FGGY: variants seen among roughly 807,000 people sequenced by gnomAD.
FGGY encodes the protein FGGY carbohydrate kinase domain containing, also known as FGGY carbohydrate kinase domain-containing protein.
A neutral mutation model predicts 71.3 loss-of-function variants in FGGY; 72 were observed. That is an observed-to-expected ratio of 1.01 (90% confidence interval 0.84 to 1.23). The LOEUF (loss-of-function observed/expected upper bound fraction) is 1.23, where lower values mean the gene tolerates loss of function less well. Ranked by LOEUF, FGGY falls within the 50% of genes most tolerant of loss-of-function variation. FGGY has a pLI of 0.00. For missense variants in FGGY, 668 were observed against 682.3 expected (o/e 0.98, Z 0.23); for synonymous variants, 251 against 250.3 (o/e 1.00, Z -0.02).
chr1:59,474,105 C>G (rs1182716340), intron 6 of FGGY: 1 of 152,188 alleles, frequency 6.6e-6, no homozygotes, highest in Admixed American at 6.5e-5. Context: ...TCCTTAGATT[C>G]GCAGAAGGAC....
intron 15 of FGGY, 110 bp from the exon 16 acceptor site, chr1:59,762,393 A>T: frequency 1.4e-6 from 1 of 735,054 alleles, no homozygotes; most frequent in Non-Finnish European, 2.3e-6. Flanking sequence ...TTCAGAATCT[A>T]GGTGTCAGCA....
intron 6 of FGGY, among the ~76,000 whole-genome samples, chr1:59,484,675 A>G (rs1205073777): frequency 6.6e-6 from 1 of 152,316 alleles, no homozygotes; most frequent in African/African-American, 2.4e-5. Flanking sequence ...CAGATTATTG[A>G]TAATCCATAA....
intron 8 of FGGY, among the ~76,000 whole-genome samples, chr1:59,578,226 A>T (rs1393267084): frequency 6.6e-6 from 1 of 152,114 alleles, no homozygotes; most frequent in Admixed American, 6.6e-5. Context: ...GTTCAACTAG[A>T]GGAGCAGAAT....
At chr1:59,403,269 T>C (rs1246960841) in intron 5 of FGGY, among the ~76,000 whole-genome samples, 3 of 152,228 alleles carry the variant, frequency 2.0e-5, no homozygotes, top group African/African-American at 7.2e-5. Flanking sequence ...CATTTTTCTC[T>C]ATACTGACTT....
chr1:59,548,133 G>A (rs1212019570), intron 7 of FGGY, among the ~76,000 whole-genome samples: 1 of 152,164 alleles, frequency 6.6e-6, no homozygotes, highest in African/African-American at 2.4e-5. Flanking sequence ...GGGGATGTGG[G>A]GAGATGTGAT....
intron 14 of FGGY, chr1:59,698,985 C>T: frequency 1.0e-6 from 1 of 985,146 alleles, no homozygotes; most frequent in Non-Finnish European, 1.2e-6. Flanking sequence ...AAATGAAAAC[C>T]ATGTTTAAAT....
At chr1:59,479,256 A>G (rs991942997) in intron 6 of FGGY, among the ~76,000 whole-genome samples, 10 of 152,094 alleles carry the variant, frequency 6.6e-5, no homozygotes, top group African/African-American at 2.2e-4. Flanking sequence ...AACTCAAGAA[A>G]TTTGGTCAGA....
chr1:59,460,192 G>C (rs114706328), intron 6 of FGGY, among the ~76,000 whole-genome samples: 1 of 152,094 alleles, frequency 6.6e-6, no homozygotes, highest in African/African-American at 2.4e-5. Context: ...GGACACTGCC[G>C]CCCAAATACT....
chr1:59,491,217 G>A (rs1466120683), intron 6 of FGGY, among the ~76,000 whole-genome samples: 1 of 144,564 alleles, frequency 6.9e-6, no homozygotes, highest in Non-Finnish European at 1.5e-5. Context: ...TGTTTTTTGT[G>A]GTTCCATACA....
intron 9 of FGGY, among the ~76,000 whole-genome samples, chr1:59,625,501 T>C (rs2096847754): frequency 6.6e-6 from 1 of 151,604 alleles, no homozygotes; most frequent in Non-Finnish European, 1.5e-5. Context: ...TTAATGAGGG[T>C]TTTTTCAAAA....
chr1:59,684,246 T>A (rs1395002609), intron 14 of FGGY, among the ~76,000 whole-genome samples: 1 of 152,224 alleles, frequency 6.6e-6, no homozygotes, highest in Non-Finnish European at 1.5e-5. Flanking sequence ...ACTATTTCCT[T>A]GGACTCAAAT....
rs762789879 is a variant in FGGY at position 59,423,646 on chromosome 1, A to G, written c.555-33315A>G. Among the ~76,000 whole-genome samples, 23 of 152,234 alleles carry G rather than the reference A, an allele frequency of 1.5e-4. No homozygotes were observed. The South Asian group carries it at 2.9e-3, about 19-fold the overall frequency. Reference sequence around the variant, plus strand: ...TGACTCCCCAGTTCTTGAGGAAAAAATGCTGAGTCTCTGAGCATAGCACTG... The same window carrying G: ...TGACTCCCCAGTTCTTGAGGAAAAAGTGCTGAGTCTCTGAGCATAGCACTG... On this transcript the variant is annotated intron_variant, in intron 5 of 15. Transcript: ENST00000303721.
intron 7 of FGGY, chr1:59,553,906 A>G: frequency 2.4e-6 from 1 of 418,272 alleles, no homozygotes. Flanking sequence ...GGTGCCATAC[A>G]TTGACCAGAA....
rs1301853522 is a variant in FGGY, at chr1:59,297,119, G to C, written c.-46G>C. ...ACACCCGCCGGGCCGTTGTTCCCGA[G>C]ACGTTGTTGAGTCCCCTGTGTCCTC... On this transcript the variant is annotated 5_prime_UTR_variant, in exon 1 of 16. Coordinates refer to ENST00000303721, the MANE Select transcript of FGGY (RefSeq NM_018291.5). 6.5e-6 allele frequency: 1 copy of C among 152,792 alleles called. No individual in the cohort carries two copies. Among genetic ancestry groups the C allele is most frequent in the Non-Finnish European group, 1.5e-5 (1 of 68,302 alleles). The allele number at this position is 152,792 out of a possible 1,614,324, so 9.5% of individuals were successfully genotyped here.
intron 14 of FGGY, among the ~76,000 whole-genome samples, chr1:59,742,545 G>T (rs1028410595): frequency 5.9e-5 from 9 of 152,156 alleles, no homozygotes; most frequent in African/African-American, 2.2e-4. Context: ...CTACTTCTAA[G>T]GATTCATTTA....
intron 6 of FGGY, among the ~76,000 whole-genome samples, chr1:59,493,403 G>A (rs867094456): frequency 8.6e-6 from 1 of 116,210 alleles, no homozygotes; most frequent in South Asian, 2.6e-4. Flanking sequence ...GTTCATTAGT[G>A]GCAGAACTGA....
Position 59,692,905 on chromosome 1 carries a change from A to G in FGGY, c.1512+18772A>G, listed in dbSNP as rs910550535. 9.8e-5 allele frequency among the ~76,000 whole-genome samples: 15 copies of G among 152,338 alleles called. 1 individual carries two copies. Among genetic ancestry groups the G allele is most frequent in the African/African-American group, 3.6e-4 (15 of 41,576 alleles). ...GAGAGACCCATCTTTCAAGGGTGGA[A>G]GAAACTCTGGACTTGGCATCAGAAG... On this transcript the variant is annotated intron_variant, in intron 14 of 15. Coordinates refer to ENST00000303721, the MANE Select transcript of FGGY (RefSeq NM_018291.5).
In FGGY at chr1:59,421,471, A is replaced by ATCTCTCCCTCTCCCCC. The variant is rs200784303; in HGVS notation, c.555-35461_555-35446dup. Among the ~76,000 whole-genome samples, 27 of 144,486 alleles carry ATCTCTCCCTCTCCCCC rather than the reference A, an allele frequency of 1.9e-4. No homozygotes were observed. The East Asian group carries it at 2.1e-3, about 11-fold the overall frequency. The allele number at this position is 144,486 out of a possible 152,430, so 94.8% of individuals were successfully genotyped here. On this transcript the variant is annotated intron_variant, in intron 5 of 15. Coordinates refer to ENST00000303721, the MANE Select transcript of FGGY (RefSeq NM_018291.5). ...ATAGTTAAAACTCCTCCCTCCCTCC[A>ATCTCTCCCTCTCCCCC]TCTCTCCCTCTCCCCCTCTCTCCCT...
intron 6 of FGGY, among the ~76,000 whole-genome samples, chr1:59,478,318 G>C (rs1045886312): frequency 6.6e-6 from 1 of 152,180 alleles, no homozygotes; most frequent in Admixed American, 6.5e-5. Context: ...GGTTGCTTGA[G>C]AATTGACAGC....
Sources: allele counts gnomAD v4.1 joint callset (sites outside exome capture counted in the v4.1 genomes callset), GRCh38; gene constraint gnomAD v4.1.1; transcripts MANE v1.5; gene names NCBI Gene and HGNC (gene_info 2026-07-23, HGNC 2026-07-21).